The following CERS6 variants were observed in gnomAD, a reference collection of about 807,000 sequenced individuals.
The protein encoded by CERS6 is ceramide synthase 6, also known as LAG1 homolog, ceramide synthase 6.
CERS6 carries 26 observed loss-of-function variants against 56.8 expected under a neutral mutation model. That is an observed-to-expected ratio of 0.46 (90% CI 0.34 to 0.63). The LOEUF (loss-of-function observed/expected upper bound fraction) is 0.63, where lower values mean the gene tolerates loss of function less well. Among genes scored for constraint, CERS6 ranks in the 30% least tolerant of loss-of-function variants. The pLI, the probability that CERS6 is intolerant of heterozygous loss-of-function variation, is 0.01. For synonymous variants in CERS6, 164 were observed against 173.3 expected, an observed-to-expected ratio of 0.95 and a Z score of 0.42; for missense variants, 415 against 467.5, an observed-to-expected ratio of 0.89 and a Z score of 1.04.
intron 7 of CERS6, among the ~76,000 whole-genome samples, chr2:168,716,842 C>T (rs1687238832): frequency 6.6e-6 from 1 of 152,136 alleles, no homozygotes; most frequent in African/African-American, 2.4e-5. Context: ...ACATTCCTCT[C>T]ATAGCTTTGT....
At chr2:168,632,999 A>G (rs1035941107) in intron 4 of CERS6, among the ~76,000 whole-genome samples, 9 of 152,146 alleles carry the variant, frequency 5.9e-5, no homozygotes, top group Non-Finnish European at 1.0e-4. Context: ...TCCCTAAACA[A>G]ATGGAATGGA....
intron 1 of CERS6, among the ~76,000 whole-genome samples, chr2:168,534,660 T>C (rs1275401507): frequency 6.6e-6 from 1 of 152,192 alleles, no homozygotes; most frequent in Non-Finnish European, 1.5e-5. Flanking sequence ...GGATCACTCC[T>C]GTATAGGGTT....
intron 1 of CERS6, among the ~76,000 whole-genome samples, chr2:168,490,784 T>C (rs1443200902): frequency 6.6e-6 from 1 of 152,176 alleles, no homozygotes; most frequent in Non-Finnish European, 1.5e-5. Flanking sequence ...CCTGCTTTTC[T>C]TTTGTTTCTG....
At chr2:168,519,294 G>T (rs575560418) in intron 1 of CERS6, among the ~76,000 whole-genome samples, 3 of 152,218 alleles carry the variant, frequency 2.0e-5, no homozygotes, top group Middle Eastern at 6.8e-3. Flanking sequence ...ATATATTGGG[G>T]AGTAGGAGAT....
chr2:168,641,407 A>G (rs1018390115), intron 4 of CERS6, among the ~76,000 whole-genome samples: 1 of 152,208 alleles, frequency 6.6e-6, no homozygotes, highest in Non-Finnish European at 1.5e-5. Context: ...ACAAAGGCAA[A>G]TGAAGCATAA....
intron 5 of CERS6, among the ~76,000 whole-genome samples, chr2:168,694,182 A>G (rs545760291): frequency 5.1e-4 from 78 of 152,262 alleles, no homozygotes; most frequent in African/African-American, 1.8e-3. Flanking sequence ...TGTTTTTTGA[A>G]AACTCTCTTG....
chr2:168,678,394 G>C (rs1686122051), intron 4 of CERS6, among the ~76,000 whole-genome samples: 1 of 152,174 alleles, frequency 6.6e-6, no homozygotes, highest in Non-Finnish European at 1.5e-5. Flanking sequence ...TTACTGCAAG[G>C]GGGCTGAGAA....
intron 1 of CERS6, among the ~76,000 whole-genome samples, chr2:168,519,811 A>ATTTTCT (rs1420311168): frequency 2.0e-5 from 3 of 151,816 alleles, no homozygotes; most frequent in Admixed American, 1.3e-4. Flanking sequence ...TTAATACCAT[A>ATTTTCT]TTTTCTTTTT....
chr2:168,610,508 A>G lies in CERS6; in HGVS notation c.408-20477A>G, dbSNP rs36017668. Among the ~76,000 whole-genome samples, 812 of 152,282 alleles carry G rather than the reference A, an allele frequency of 5.3e-3. 4 individuals carry two copies. The highest frequency in any genetic ancestry group is 8.4e-3 in the Non-Finnish European group (573 of 68,008). ...CATAATAACAAATAGAATGTATTTGATTTGATTTCATTTTTATTTGGTAGA... is the reference window on the plus strand; with the variant it reads ...CATAATAACAAATAGAATGTATTTGGTTTGATTTCATTTTTATTTGGTAGA... On this transcript the variant is annotated intron_variant, in intron 3 of 9. Transcript: ENST00000305747.
intron 8 of CERS6, among the ~76,000 whole-genome samples, chr2:168,756,316 T>C (rs1684415266): frequency 1.3e-5 from 2 of 152,234 alleles, no homozygotes; most frequent in Admixed American, 6.5e-5. Flanking sequence ...CACATCTGCC[T>C]CAGTCCTTTC....
At position 168,769,599 on chromosome 2, in the gene CERS6, C is replaced by T; in HGVS notation, c.1092C>T (p.Thr364=). 6.2e-7 allele frequency: 1 copy of T among 1,612,542 alleles called. No homozygotes were observed. The highest frequency in any genetic ancestry group is 1.1e-5 in the South Asian group (1 of 90,486). Residue 364 remains threonine (T), a synonymous_variant, in exon 10 of 10, where the codon ACC becomes ACT. Coordinates refer to ENST00000305747, the MANE Select transcript of CERS6 (RefSeq NM_203463.3). ...PPGKNPHTAT[T]TNGTSGTNGY... ...GAAAGAATCCCCACACTGCGACAAC[C>T]ACCAATGGGACCAGTGGTACCAACG...
At chr2:168,473,035 A>G (rs1243750127) in intron 1 of CERS6, among the ~76,000 whole-genome samples, 3 of 151,720 alleles carry the variant, frequency 2.0e-5, no homozygotes, top group Non-Finnish European at 4.4e-5. Flanking sequence ...TTTCATCTCA[A>G]TTTTTCTTAT....
At chr2:168,485,305 A>C (rs1444739254) in intron 1 of CERS6, among the ~76,000 whole-genome samples, 1 of 152,002 alleles carries the variant, frequency 6.6e-6, no homozygotes, top group African/African-American at 2.4e-5. Flanking sequence ...ATCTTTTATT[A>C]GTGTACTTTT....
chr2:168,584,054 GT>G (rs907355855), intron 3 of CERS6, among the ~76,000 whole-genome samples: 5 of 152,180 alleles, frequency 3.3e-5, no homozygotes, highest in Admixed American at 3.3e-4. Context: ...TTTTCAAAAG[GT>G]TAAGCAGTTT....
At chr2:168,533,810 T>C (rs1463487675) in intron 1 of CERS6, among the ~76,000 whole-genome samples, 2 of 152,140 alleles carry the variant, frequency 1.3e-5, no homozygotes, top group African/African-American at 2.4e-5. Flanking sequence ...AAGTGTGTTT[T>C]CCAGCTTGTT....
chr2:168,680,533 C>T (rs376667616), intron 4 of CERS6, among the ~76,000 whole-genome samples: 87 of 152,062 alleles, frequency 5.7e-4, no homozygotes, highest in Middle Eastern at 3.4e-3. Flanking sequence ...CTACCCGGCC[C>T]CTCCTCATGG....
At chr2:168,537,232 G>A (rs1348063546) in intron 1 of CERS6, among the ~76,000 whole-genome samples, 2 of 152,284 alleles carry the variant, frequency 1.3e-5, no homozygotes, top group Admixed American at 6.5e-5. Context: ...CATAATAGAT[G>A]CTCACTGAGT....
intron 4 of CERS6, among the ~76,000 whole-genome samples, chr2:168,677,607 C>G (rs945444693): frequency 6.6e-6 from 1 of 152,156 alleles, no homozygotes; most frequent in Non-Finnish European, 1.5e-5. Flanking sequence ...AAGTGATTCT[C>G]CTACCTCAGC....
chr2:168,484,471 T>A (rs1266285821), intron 1 of CERS6, among the ~76,000 whole-genome samples: 3 of 151,048 alleles, frequency 2.0e-5, no homozygotes, highest in Non-Finnish European at 4.4e-5. Context: ...GTTGAGCCAC[T>A]GTGCTTCGCT....
Sources: gnomAD v4.1 joint callset for allele counts (sites outside exome capture counted in the v4.1 genomes callset) on GRCh38, gnomAD v4.1.1 for gene constraint, MANE v1.5 for transcripts, NCBI Gene and HGNC (gene_info 2026-07-23, HGNC 2026-07-21) for gene names.